The following NTSR2 variants were observed in gnomAD, a reference collection of about 807,000 sequenced individuals.
The protein encoded by NTSR2 is neurotensin receptor type 2.
A neutral mutation model predicts 24.1 loss-of-function variants in NTSR2; 22 were observed. That is an observed-to-expected ratio of 0.91 (90% CI 0.65 to 1.30). The LOEUF is 1.30. Ranked by LOEUF, NTSR2 falls within the 50% of genes most tolerant of loss-of-function variation. The pLI, the probability that NTSR2 is intolerant of heterozygous loss-of-function variation, is 0.00. For synonymous variants in NTSR2, 291 were observed against 267.0 expected, an observed-to-expected ratio of 1.09 and a Z score of -0.88; for missense variants, 570 against 570.4, an observed-to-expected ratio of 1.00 and a Z score of 0.01.
chr2:11,665,440 T>C (rs1204598580), intron 1 of NTSR2: 2 of 152,226 alleles, frequency 1.3e-5, no homozygotes, highest in African/African-American at 2.4e-5. Flanking sequence ...TCTGGAATAA[T>C]GTCTTGCCTC....
intron 1 of NTSR2, among the ~76,000 whole-genome samples, chr2:11,667,736 C>T (rs1226553157): frequency 1.3e-5 from 2 of 152,230 alleles, no homozygotes; most frequent in African/African-American, 4.8e-5. Flanking sequence ...CCATCCTTCT[C>T]TCCCTCTCTC....
intron 2 of NTSR2, 108 bp downstream of exon 2, chr2:11,661,859 G>T: frequency 2.0e-6 from 2 of 1,019,264 alleles, no homozygotes; most frequent in Non-Finnish European, 1.4e-6. Context: ...GGTAAAGGAA[G>T]CCTTGAGAGA....
intron 1 of NTSR2, among the ~76,000 whole-genome samples, chr2:11,668,991 G>T (rs900738359): frequency 2.0e-5 from 3 of 152,130 alleles, no homozygotes; most frequent in Admixed American, 2.0e-4. Flanking sequence ...CAAGAGGTGT[G>T]GGGGGACAAG....
chr2:11,658,668 G>T lies in NTSR2; in HGVS notation c.1044C>A (p.Tyr348Ter), dbSNP rs143067546. 3.1e-5 allele frequency: 50 copies of T among 1,614,044 alleles called. No homozygotes were observed. The highest frequency in any genetic ancestry group is 4.1e-5 in the Non-Finnish European group (48 of 1,180,040). ...GAAGAGGAGTCACAGCTGAGCTGAC[G>T]TAGAAAAGTGTGTTGGTCACCATGT... ...YFYMVTNTLF[Y>*]VSSAVTPLLY... Residue 348 changes from tyrosine (Y) to a stop codon, truncating the protein, a stop_gained, in exon 4 of 4, where the codon TAC becomes TAA. Transcript: ENST00000306928. LOFTEE classifies it low-confidence loss of function (END_TRUNC).
In NTSR2 at chr2:11,668,662, A is replaced by G. The variant is rs530889400; in HGVS notation, c.624+844T>C. Among the ~76,000 whole-genome samples, 22 of 152,192 alleles carry G rather than the reference A, an allele frequency of 1.4e-4. No homozygotes were observed. In the East Asian group the frequency reaches 2.1e-3, roughly 15 times the overall value. ...TTTCTCAGCCTTTCCCACTTCCCCA[A>G]TGTGCTGGATACATGAGATCATGGT... On this transcript the variant is annotated intron_variant, in intron 1 of 3. Coordinates refer to ENST00000306928, the MANE Select transcript of NTSR2 (RefSeq NM_012344.4).
At chr2:11,667,648 T>C (rs941535008) in intron 1 of NTSR2, among the ~76,000 whole-genome samples, 6 of 152,210 alleles carry the variant, frequency 3.9e-5, no homozygotes, top group Non-Finnish European at 7.3e-5. Flanking sequence ...CCGAGCCTTA[T>C]AAACTTTTAA....
At position 11,670,091 on chromosome 2, in the gene NTSR2, G is replaced by T. The variant is rs17853771; in HGVS notation, c.39C>A (p.Ser13=). The part of the protein sequence containing the change: ...TSSPRPPRPS[S]NPGLSLDARL... ...GGGCGTCCAGGCTCAGCCCCGGGTT[G>T]GAGCTGGGCCGCGGGGGCCGCGGGC... The change falls in exon 1 of 4, where the codon TCC becomes TCA. Residue 13 remains serine (S), a synonymous_variant. Coordinates refer to ENST00000306928, the MANE Select transcript of NTSR2 (RefSeq NM_012344.4). 7.1e-7 allele frequency: 1 copy of T among 1,417,040 alleles called. No homozygotes were observed. The highest frequency in any genetic ancestry group is 9.2e-7 in the Non-Finnish European group (1 of 1,092,302). The allele number at this position is 1,417,040 out of a possible 1,614,324, so 87.8% of individuals were successfully genotyped here.
intron 1 of NTSR2, among the ~76,000 whole-genome samples, chr2:11,663,558 G>T (rs973520555): frequency 6.6e-6 from 1 of 152,240 alleles, no homozygotes; most frequent in East Asian, 1.9e-4. Flanking sequence ...ATTATTAACC[G>T]CAAAGAAAAC....
intron 1 of NTSR2, 110 bp from the exon 2 acceptor site, chr2:11,662,350 G>C: frequency 9.3e-7 from 1 of 1,074,654 alleles, no homozygotes; most frequent in Non-Finnish European, 1.3e-6. Flanking sequence ...GCGGCAGAAG[G>C]GTTAGAAGAT....
chr2:11,666,501 C>T (rs1476172975), intron 1 of NTSR2, among the ~76,000 whole-genome samples: 1 of 151,994 alleles, frequency 6.6e-6, no homozygotes, highest in African/African-American at 2.4e-5. Context: ...GAGATCAAGA[C>T]TATCCTGGCC....
intron 1 of NTSR2, 62 bp downstream of exon 1, chr2:11,669,444 C>T: frequency 1.5e-6 from 1 of 659,438 alleles, no homozygotes; most frequent in Non-Finnish European, 2.3e-6. Flanking sequence ...AGAGGGGGTT[C>T]CCTCCTCCCA....
Position 11,669,832 on chromosome 2 carries a change from G to A in NTSR2, c.298C>T (p.Pro100Ser). The A allele has an allele frequency of 2.5e-6, 4 of 1,581,586 alleles. No individual in the cohort carries two copies. The highest frequency in any genetic ancestry group is 3.4e-6 in the Non-Finnish European group (4 of 1,170,542). The part of the protein sequence containing the change: ...ELYSFVWFHY[P>S]WVFGDLGCRG... ...CAGCCCAGGTCGCCGAAGACCCAGG[G>A]GTAGTGGAACCACACGAAGCTGTAG... The change falls in exon 1 of 4, where the codon CCC becomes TCC. Residue 100 changes from proline to serine, a missense_variant. Pro to Ser is a moderately conservative substitution (Grantham distance 74). Coordinates refer to ENST00000306928, the MANE Select transcript of NTSR2 (RefSeq NM_012344.4).
intron 2 of NTSR2, among the ~76,000 whole-genome samples, chr2:11,661,512 T>C (rs1457504340): frequency 6.6e-6 from 1 of 152,118 alleles, no homozygotes; most frequent in Non-Finnish European, 1.5e-5. Flanking sequence ...TTTTGGAGTT[T>C]CTCTTACAAG....
At chr2:11,661,637 A>G (rs1024447467) in intron 2 of NTSR2, among the ~76,000 whole-genome samples, 2 of 152,176 alleles carry the variant, frequency 1.3e-5, no homozygotes, top group African/African-American at 4.8e-5. Context: ...GAGAGTCCAC[A>G]ATTTGCAGCC....
Position 11,658,613 on chromosome 2 carries a change from T to C in NTSR2, c.1099A>G (p.Lys367Glu), listed in dbSNP as rs746904657. The C allele has an allele frequency of 6.2e-7, 1 of 1,614,166 alleles. No individual in the cohort carries two copies. Among genetic ancestry groups the C allele is most frequent in the Admixed American group, 1.7e-5 (1 of 60,020 alleles). ...GAGCTGACGGCTTCCAGGAAGAGTTTTCTGAAGGAGGAGGACACGGCGTTG... is the reference window on the plus strand; with the variant it reads ...GAGCTGACGGCTTCCAGGAAGAGTTCTCTGAAGGAGGAGGACACGGCGTTG... ...LYNAVSSSFR[K>E]LFLEAVSSLC... Residue 367 changes from lysine to glutamate, a missense_variant, in exon 4 of 4, where the codon AAA (lysine) becomes GAA (glutamate). Coordinates refer to ENST00000306928, the MANE Select transcript of NTSR2 (RefSeq NM_012344.4).
intron 1 of NTSR2, 46 bp downstream of exon 1, chr2:11,669,460 G>GGGGGGGGGGGGCGCC: frequency 7.9e-6 from 2 of 254,726 alleles, no homozygotes; most frequent in Non-Finnish European, 1.4e-5. Flanking sequence ...TCCCAGCACC[G>GGGGGGGGGGGGCGCC]CCCCCCCACC....
intron 1 of NTSR2, among the ~76,000 whole-genome samples, chr2:11,663,583 TAGAA>T (rs1370889973): frequency 2.0e-5 from 3 of 152,154 alleles, no homozygotes; most frequent in African/African-American, 7.2e-5. Flanking sequence ...GTCCTTGGAT[TAGAA>T]AGAAAATACA....
chr2:11,658,588 G>T lies in NTSR2; in HGVS notation c.1124C>A (p.Ser375Tyr). ...FRKLFLEAVS[S>Y]LCGEHHPMKR... ...CATGGGGTGGTGCTCTCCACACAGG[G>T]AGCTGACGGCTTCCAGGAAGAGTTT... is the stretch of plus-strand genomic sequence containing the variant. Residue 375 changes from serine (S) to tyrosine (Y), a missense_variant, in exon 4 of 4, where the codon TCC becomes TAC. Transcript: ENST00000306928. The T allele has an allele frequency of 1.2e-6, 2 of 1,614,206 alleles. No individual in the cohort carries two copies. The highest frequency in any genetic ancestry group is 8.5e-7 in the Non-Finnish European group (1 of 1,180,032).
Position 11,660,132 on chromosome 2 carries a change from TC to T in NTSR2, c.899del (p.Arg300LysfsTer43), listed in dbSNP as rs757448862. 8.1e-6 allele frequency: 13 copies of T among 1,612,774 alleles called. 1 individual carries two copies. In the South Asian group the frequency reaches 9.9e-5, roughly 12 times the overall value. On this transcript the variant is annotated frameshift_variant and splice_region_variant, in exon 3 of 4. Coordinates refer to ENST00000306928, the MANE Select transcript of NTSR2 (RefSeq NM_012344.4). LOFTEE classifies it high-confidence loss of function. ...RSLQRSVQVLRAIVVMYVICW... is the reference protein window; with the variant it reads ...RSLQRSVQVLXAIVVMYVICW... ...AGATGACATACATGACCACGATGGC[TC>T]CTGCAGAGCATTGGAAAGGGAGAGA...
Sources: allele counts gnomAD v4.1 joint callset (sites outside exome capture counted in the v4.1 genomes callset), GRCh38; gene constraint gnomAD v4.1.1; transcripts MANE v1.5; gene names NCBI Gene and HGNC (gene_info 2026-07-23, HGNC 2026-07-21).